Variants in GOLGA2 observed in about 807,000 individuals in gnomAD.
GOLGA2 encodes golgin subfamily A member 2.
Under a neutral mutation model 148.8 loss-of-function variants are expected in GOLGA2, and 49 were observed. That is an observed-to-expected ratio of 0.33 (90% CI 0.26 to 0.42). The LOEUF (loss-of-function observed/expected upper bound fraction) is 0.42, where lower values mean the gene tolerates loss of function less well. Among genes scored for constraint, GOLGA2 ranks in the 10% least tolerant of loss-of-function variants. The pLI is 1.00. For missense variants in GOLGA2, 1,178 were observed against 1,304.6 expected (o/e 0.90, Z 1.49); for synonymous variants, 501 against 511.8 (o/e 0.98, Z 0.28).
intron 12 of GOLGA2, among the ~76,000 whole-genome samples, chr9:128,263,497 A>G (rs1830400910): frequency 6.6e-6 from 1 of 152,090 alleles, no homozygotes; most frequent in African/African-American, 2.4e-5. Flanking sequence ...GGCTCACTGC[A>G]AGCTCCGCCT....
intron 3 of GOLGA2, among the ~76,000 whole-genome samples, chr9:128,270,274 G>C (rs968178152): frequency 1.3e-5 from 2 of 151,710 alleles, no homozygotes; most frequent in Admixed American, 6.6e-5. Flanking sequence ...TGGGATTATA[G>C]GTGCACGCTA....
rs1055249931 is a variant in GOLGA2 at position 128,258,763 on chromosome 9, C to T, written c.2174-193G>A. 5 of 614,590 alleles carry T rather than the reference C, an allele frequency of 8.1e-6. No individual in the cohort carries two copies. Among genetic ancestry groups the T allele is most frequent in the Non-Finnish European group, 1.4e-5 (5 of 349,928 alleles). 38.1% of individuals were successfully genotyped at this position (614,590 alleles called of 1,614,324 possible). A position where few individuals can be genotyped will look rare whatever the true frequency, so the allele number is the denominator to read the frequency against. ...TGCTGCCCAGGTGCAGTCCCACTAC[C>T]GATCAGCATGGGAGTTCTGACCTGC... On this transcript the variant is annotated intron_variant, in intron 21 of 26. Coordinates refer to ENST00000611957, the MANE Select transcript of GOLGA2 (RefSeq NM_001366244.2). This position sits in a 1 kb window ranked among gnomAD's most constrained non-coding sequence, Gnocchi z 6.6.
chr9:128,259,935 G>A lies in GOLGA2; in HGVS notation c.1872+141C>T, dbSNP rs112280200. 2.7e-4 allele frequency: 189 copies of A among 691,326 alleles called. 6 individuals carry two copies. The highest frequency in any genetic ancestry group is 2.3e-3 in the African/African-American group (134 of 57,304). The allele number at this position is 691,326 out of a possible 1,614,324, so 42.8% of individuals were successfully genotyped here. ...CCACCTCTAAAAGTCAGAGGGCAGG[G>A]AGCAAGAAACAGTCACAGGACTGCC... On this transcript the variant is annotated intron_variant, in intron 19 of 26. Coordinates refer to ENST00000611957, the MANE Select transcript of GOLGA2 (RefSeq NM_001366244.2).
chr9:128,275,335 A>AG, intron 1 of GOLGA2: 1 of 1,122,288 alleles, frequency 8.9e-7, no homozygotes, highest in Admixed American at 3.9e-5. Context: ...TACGGTTCCG[A>AG]GGGGGATTGT....
intron 3 of GOLGA2, among the ~76,000 whole-genome samples, chr9:128,269,710 G>C (rs922366236): frequency 6.6e-6 from 1 of 152,218 alleles, no homozygotes; most frequent in Non-Finnish European, 1.5e-5. Context: ...AGCTGGACAA[G>C]AGAAAAACAC....
chr9:128,268,190 A>C, intron 4 of GOLGA2, 30 bp from the exon 5 acceptor site: 1 of 1,595,800 alleles, frequency 6.3e-7, no homozygotes, highest in Non-Finnish European at 8.6e-7. Flanking sequence ...TGAGATGGTC[A>C]TTCAATTTCT....
chr9:128,258,420 G>A lies in GOLGA2; in HGVS notation c.2289+35C>T, dbSNP rs538919722. 2 of 1,564,166 alleles carry A rather than the reference G, an allele frequency of 1.3e-6. No individual in the cohort carries two copies. Among genetic ancestry groups the A allele is most frequent in the South Asian group, 1.1e-5 (1 of 89,872 alleles). On this transcript the variant is annotated intron_variant, in intron 22 of 26. Transcript: ENST00000611957. This position sits in a 1 kb window ranked among gnomAD's most constrained non-coding sequence, Gnocchi z 6.6. Reference sequence around the variant, plus strand: ...GGGTCTGGGAGGGACCACAGAGGGAGGCAGCAAAGGTTGGGGAGGGGGAGT... The same window carrying A: ...GGGTCTGGGAGGGACCACAGAGGGAAGCAGCAAAGGTTGGGGAGGGGGAGT...
In GOLGA2 at chr9:128,258,173, G is replaced by T; in HGVS notation, c.2315C>A (p.Ala772Asp). The T allele has an allele frequency of 1.2e-6, 2 of 1,600,058 alleles. No individual in the cohort carries two copies. Residue 772 changes from alanine to aspartate, a missense_variant, in exon 23 of 27, where the codon GCC (alanine) becomes GAC (aspartate). By Grantham distance (126) the Ala-to-Asp change is moderately radical. This residue lies in a region of GOLGA2 where 529 missense variants were observed against 521.8 expected (regional missense o/e 1.01). Transcript: ENST00000611957. This position sits in a 1 kb window ranked among gnomAD's most constrained non-coding sequence, Gnocchi z 6.6. ...CCTTGCCTGCTCCTCCTCGGCACTG[G>T]CTACAGCTGAGTTGAAAAATGCCAC... ...AMVAFFNSAV[A>D]SAEEEQARLR...
Position 128,262,551 on chromosome 9 carries a change from G to A in GOLGA2, c.1134+12C>T, listed in dbSNP as rs1830337701. 4 of 1,612,468 alleles carry A rather than the reference G, an allele frequency of 2.5e-6. No homozygotes were observed. Among genetic ancestry groups the A allele is most frequent in the Middle Eastern group, 1.7e-4 (1 of 6,046 alleles). On this transcript the variant is annotated intron_variant, in intron 14 of 26. Coordinates refer to ENST00000611957, the MANE Select transcript of GOLGA2 (RefSeq NM_001366244.2). Reference sequence around the variant, plus strand: ...TGGCGCTCCCACCACCCATGGGGCTGCAGCCTCTTGCCTGTTGAAGCAGGA... The same window carrying A: ...TGGCGCTCCCACCACCCATGGGGCTACAGCCTCTTGCCTGTTGAAGCAGGA...
chr9:128,259,090 G>T lies in GOLGA2; in HGVS notation c.2098-8C>A. The T allele has an allele frequency of 2.5e-6, 4 of 1,611,108 alleles. No homozygotes were observed. The highest frequency in any genetic ancestry group is 3.4e-6 in the Non-Finnish European group (4 of 1,177,650). On this transcript the variant is annotated splice_region_variant and splice_polypyrimidine_tract_variant and intron_variant, in intron 20 of 26. Coordinates refer to ENST00000611957, the MANE Select transcript of GOLGA2 (RefSeq NM_001366244.2). ...GGCAGCTTCCAGGCGCTCCTAAGGG[G>T]CCAGAAAAGAGAGTGAGAAGGCATG... is the stretch of plus-strand genomic sequence containing the variant.
Position 128,260,172 on chromosome 9 carries a change from C to T in GOLGA2, c.1776G>A (p.Glu592=). The stretch of plus-strand genomic sequence containing the variant: ...GCTCCGACTGCAGTGCGCTGGTGAT[C>T]TCCATGTTCTCATTAGTCTGGACAG... ...GFVKLTNENM[E]ITSALQSEQH... Residue 592 remains glutamate, a synonymous_variant, in exon 19 of 27, where the codon GAG becomes GAA. Transcript: ENST00000611957. The surrounding 1 kb of genome is among the most constrained non-coding windows in gnomAD (Gnocchi z 4.8). 6.2e-7 allele frequency: 1 copy of T among 1,607,208 alleles called. No homozygotes were observed. Among genetic ancestry groups the T allele is most frequent in the South Asian group, 1.1e-5 (1 of 91,032 alleles).
chr9:128,262,800 G>T, intron 13 of GOLGA2, 96 bp from the exon 14 acceptor site: 1 of 1,210,742 alleles, frequency 8.3e-7, no homozygotes, highest in Non-Finnish European at 1.2e-6. Flanking sequence ...CCACAGAACT[G>T]TGGCACTGGA....
In GOLGA2 at chr9:128,260,801, AGCTGAGAAAGGAC is replaced by A; in HGVS notation, c.1421-12_1421del. 6.3e-7 allele frequency: 1 copy of A among 1,593,592 alleles called. No individual in the cohort carries two copies. Among genetic ancestry groups the A allele is most frequent in the African/African-American group, 1.3e-5 (1 of 74,564 alleles). On this transcript the variant is annotated splice_acceptor_variant and splice_polypyrimidine_tract_variant and coding_sequence_variant and intron_variant, in exon 18 of 27. Transcript: ENST00000611957. LOFTEE classifies it high-confidence loss of function. The surrounding 1 kb of genome is among the most constrained non-coding windows in gnomAD (Gnocchi z 4.8). ...CTGGGGGCTCTGGGGGCGGGGGTTCAGCTGAGAAAGGACGCAGACAATAAAAGCCTCTGGATTC... is the reference window on the plus strand; with the variant it reads ...CTGGGGGCTCTGGGGGCGGGGGTTCAGCAGACAATAAAAGCCTCTGGATTC...
chr9:128,266,321 T>C lies in GOLGA2; in HGVS notation c.647A>G (p.Gln216Arg). The C allele has an allele frequency of 6.2e-7, 1 of 1,613,270 alleles. No individual in the cohort carries two copies. The highest frequency in any genetic ancestry group is 8.5e-7 in the Non-Finnish European group (1 of 1,179,414). Residue 216 changes from glutamine (Q) to arginine (R), a missense_variant, in exon 9 of 27, where the codon CAA becomes CGA. Gln to Arg is a conservative substitution (Grantham distance 43, BLOSUM62 1). This residue lies in a region of GOLGA2 where 304 missense variants were observed against 404.1 expected (regional missense o/e 0.75). Coordinates refer to ENST00000611957, the MANE Select transcript of GOLGA2 (RefSeq NM_001366244.2). This position sits in a 1 kb window ranked among gnomAD's most constrained non-coding sequence, Gnocchi z 4.2. ...CTGATCCGTAATTTCTTGGTTCTGTTGTTTCTGTGGGGAAGAGTCAAAGGA... is the reference window on the plus strand; with the variant it reads ...CTGATCCGTAATTTCTTGGTTCTGTCGTTTCTGTGGGGAAGAGTCAAAGGA... ...QLNITIEKLK[Q>R]QNQEITDQLE... is the part of the protein sequence containing the mutation.
At position 128,261,385 on chromosome 9, in the gene GOLGA2, T is replaced by C. The variant is rs1281376899; in HGVS notation, c.1332+69A>G. On this transcript the variant is annotated intron_variant, in intron 16 of 26. Transcript: ENST00000611957. The surrounding 1 kb of genome is among the most constrained non-coding windows in gnomAD (Gnocchi z 5.7). ...CCACCTCTGGCTGTGCTCCTCCCAT[T>C]TCGCAGATGCCCAGAAAGATCAAGT... The C allele has an allele frequency of 8.2e-7, 1 of 1,225,818 alleles. No individual in the cohort carries two copies. The highest frequency in any genetic ancestry group is 2.3e-5 in the East Asian group (1 of 43,084). 75.9% of individuals were successfully genotyped at this position (1,225,818 alleles called of 1,614,324 possible).
Position 128,261,315 on chromosome 9 carries a change from T to C in GOLGA2, c.1333-56A>G. 2 of 1,413,578 alleles carry C rather than the reference T, an allele frequency of 1.4e-6. No individual in the cohort carries two copies. The highest frequency in any genetic ancestry group is 2.0e-6 in the Non-Finnish European group (2 of 998,022). 87.6% of individuals were successfully genotyped at this position (1,413,578 alleles called of 1,614,324 possible). The stretch of plus-strand genomic sequence containing the variant: ...GAGAGGGGCTGGTGGCTGGACAGGC[T>C]ACCATCTCCCTCTGCCCCCACCGCC... On this transcript the variant is annotated intron_variant, in intron 16 of 26. Coordinates refer to ENST00000611957, the MANE Select transcript of GOLGA2 (RefSeq NM_001366244.2). This position sits in a 1 kb window ranked among gnomAD's most constrained non-coding sequence, Gnocchi z 5.7.
rs1179721512 is a variant in GOLGA2 at position 128,257,296 on chromosome 9, A to G, written c.2876-15T>C. On this transcript the variant is annotated splice_polypyrimidine_tract_variant and intron_variant, in intron 26 of 26. Transcript: ENST00000611957. This position sits in a 1 kb window ranked among gnomAD's most constrained non-coding sequence, Gnocchi z 8.0. ...CTCGCAAAGATCTTTGGAGAGAGAG[A>G]GGCAGGGCTCTGAGTGCCACGCGAG... 1 of 1,612,332 alleles carries G rather than the reference A, an allele frequency of 6.2e-7. No individual in the cohort carries two copies. The highest frequency in any genetic ancestry group is 1.3e-5 in the African/African-American group (1 of 74,866).
chr9:128,259,166 C>T lies in GOLGA2; in HGVS notation c.2097+1G>A. 1.2e-6 allele frequency: 2 copies of T among 1,603,642 alleles called. No individual in the cohort carries two copies. The highest frequency in any genetic ancestry group is 1.7e-6 in the Non-Finnish European group (2 of 1,173,814). On this transcript the variant is annotated splice_donor_variant, in intron 20 of 26. Coordinates refer to ENST00000611957, the MANE Select transcript of GOLGA2 (RefSeq NM_001366244.2). LOFTEE classifies it high-confidence loss of function. ...GGCCCTGCCCTCACCAACTCCCTCACCTGGGTTTCCTGCAACTCTTGGCGG... is the reference window on the plus strand; with the variant it reads ...GGCCCTGCCCTCACCAACTCCCTCATCTGGGTTTCCTGCAACTCTTGGCGG...
Position 128,273,647 on chromosome 9 carries a change from A to T in GOLGA2, c.207+203T>A, listed in dbSNP as rs750218287. On this transcript the variant is annotated intron_variant, in intron 2 of 26. Transcript: ENST00000611957. Reference sequence around the variant, plus strand: ...TCATTTAAACTTCACAAGTGTAAGTAAAACAATACTTTATAGTTGTGAAAA... The same window carrying T: ...TCATTTAAACTTCACAAGTGTAAGTTAAACAATACTTTATAGTTGTGAAAA... 16 of 597,422 alleles carry T rather than the reference A, an allele frequency of 2.7e-5. No homozygotes were observed. In the South Asian group the frequency reaches 4.1e-4, roughly 15 times the overall value. 37.0% of individuals were successfully genotyped at this position (597,422 alleles called of 1,614,324 possible). A position where few individuals can be genotyped will look rare whatever the true frequency, so the allele number is the denominator to read the frequency against.
Sources: gnomAD v4.1 joint callset for allele counts (sites outside exome capture counted in the v4.1 genomes callset) on GRCh38, gnomAD v4.1.1 for gene constraint, gnomAD v4.1.1 regional missense constraint, Gnocchi (gnomAD v3.1) non-coding constraint, MANE v1.5 for transcripts, NCBI Gene and HGNC (gene_info 2026-07-23, HGNC 2026-07-21) for gene names.